The following CDKN2A variants were observed in gnomAD, a reference collection of about 807,000 sequenced individuals.
CDKN2A encodes the protein cyclin-dependent kinase inhibitor 2A.
In CDKN2A, 3 loss-of-function variants were observed where a neutral mutation model predicts 11.1. The ratio of observed to expected loss-of-function variants is 0.27; its 90% CI spans 0.12 to 0.70. The LOEUF is 0.70. Among genes scored for constraint, CDKN2A ranks in the 30% least tolerant of loss-of-function variants. The pLI is 0.77. For missense variants in CDKN2A, 265 were observed against 233.6 expected (o/e 1.13, Z -0.88); for synonymous variants, 122 against 108.1 (o/e 1.13, Z -0.80).
At chr9:21,987,387 C>G (rs1421183108) in intron 2 of CDKN2A, among the ~76,000 whole-genome samples, 1 of 74,038 alleles carries the variant, frequency 1.4e-5, no homozygotes, top group Non-Finnish European at 3.2e-5. Flanking sequence ...GAAAGAAACC[C>G]CTTATTACAA....
At chr9:21,990,629 A>AGAGAGAGAGAGAGAGAGAGAGG (rs1587354585) in intron 2 of CDKN2A, among the ~76,000 whole-genome samples, 1 of 150,682 alleles carries the variant, frequency 6.6e-6, no homozygotes, top group Non-Finnish European at 1.5e-5. Flanking sequence ...AGAGAGAGAG[A>AGAGAGAGAGAGAGAGAGAGAGG]GAGAGAGAGA....
At chr9:21,977,310 G>T (rs1820060498), upstream of CDKN2A, among the ~76,000 whole-genome samples, 1 of 152,124 alleles carries the variant, frequency 6.6e-6, no homozygotes, top group Non-Finnish European at 1.5e-5. Context: ...GGGAGGGAGG[G>T]AACACATTTC....
chr9:21,991,881 T>C lies in CDKN2A; in HGVS notation c.-4+2001A>G. ...ATAATGGTTTATACTAACTGCACAG[T>C]GCTTACCTTGAGAGGACTCTGTGCT... On this transcript the variant is annotated intron_variant, in intron 2 of 3. Transcript: ENST00000494262. The surrounding 1 kb of genome is among the most constrained non-coding windows in gnomAD (Gnocchi z 5.2). The C allele has an allele frequency of 1.0e-6, 1 of 985,342 alleles. No homozygotes were observed. The highest frequency in any genetic ancestry group is 1.2e-6 in the Non-Finnish European group (1 of 829,828). The allele number at this position is 985,342 out of a possible 1,614,324, so 61.0% of individuals were successfully genotyped here. A position where few individuals can be genotyped will look rare whatever the true frequency, so the allele number is the denominator to read the frequency against.
At chr9:21,985,734 G>A (rs1353319083) in intron 2 of CDKN2A, among the ~76,000 whole-genome samples, 1 of 151,856 alleles carries the variant, frequency 6.6e-6, no homozygotes, top group Non-Finnish European at 1.5e-5. Context: ...TAGCTTAGAG[G>A]TATACCCTAA....
chr9:21,971,652 T>C (rs1424688052), intron 1 of CDKN2A, among the ~76,000 whole-genome samples: 1 of 147,896 alleles, frequency 6.8e-6, no homozygotes, highest in East Asian at 2.0e-4. Context: ...AAAACTTGTT[T>C]GTTTGTTAAA....
chr9:21,972,098 A>C (rs908877589), intron 1 of CDKN2A, among the ~76,000 whole-genome samples: 37 of 151,740 alleles, frequency 2.4e-4, no homozygotes, highest in African/African-American at 9.0e-4. Flanking sequence ...AAGTGAGAAC[A>C]TGTGATATTT....
rs1282531650 is a variant in CDKN2A, at chr9:21,968,102, G to C, written c.*127C>G. 8.4e-6 allele frequency: 7 copies of C among 830,616 alleles called. No individual in the cohort carries two copies. The highest frequency in any genetic ancestry group is 1.7e-5 in the African/African-American group (1 of 59,722). The allele number at this position is 830,616 out of a possible 1,614,324, so 51.5% of individuals were successfully genotyped here. On this transcript the variant is annotated 3_prime_UTR_variant, in exon 3 of 3. Transcript: ENST00000304494. The surrounding 1 kb of genome is among the most constrained non-coding windows in gnomAD (Gnocchi z 4.7). ...GTTAAAAGGCAGGACATTTTTAAAA[G>C]CTCTATTTTCTAAATGAAAACTACG...
At chr9:21,971,268 C>A (rs2131097554) in intron 1 of CDKN2A, 60 bp from the exon 2 acceptor site, 1 of 1,559,982 alleles carries the variant, frequency 6.4e-7, no homozygotes, top group Non-Finnish European at 8.6e-7. Context: ...GGAAAGGAAG[C>A]TTGTGTAGAG....
At chr9:21,984,600 T>C (rs974025236) in intron 2 of CDKN2A, among the ~76,000 whole-genome samples, 24 of 152,036 alleles carry the variant, frequency 1.6e-4, no homozygotes, top group African/African-American at 5.3e-4. Flanking sequence ...ACGCATGTGC[T>C]GTTAGAGTTC....
At chr9:21,977,619 G>A (rs572283246), upstream of CDKN2A, among the ~76,000 whole-genome samples, 9 of 152,266 alleles carry the variant, frequency 5.9e-5, no homozygotes, top group Non-Finnish European at 1.2e-4. Flanking sequence ...ACCCACCTTA[G>A]CCTCCCAAAG....
At chr9:21,976,953 A>G (rs984241769), upstream of CDKN2A, among the ~76,000 whole-genome samples, 1 of 152,254 alleles carries the variant, frequency 6.6e-6, no homozygotes, top group Non-Finnish European at 1.5e-5. Context: ...CTGATGCCTT[A>G]AGCACATGCT....
intron 1 of CDKN2A, 196 bp from the exon 2 acceptor site, chr9:21,971,404 A>G: frequency 4.2e-6 from 6 of 1,445,014 alleles, no homozygotes; most frequent in Non-Finnish European, 5.4e-6. Flanking sequence ...GAATTCCATT[A>G]TATCCTCCGA....
chr9:21,975,237 G>T (rs951159179), upstream of CDKN2A: 20 of 929,756 alleles, frequency 2.2e-5, no homozygotes, highest in Non-Finnish European at 2.7e-6. Flanking sequence ...CCGCCTGCCA[G>T]CAAAGGCGTG....
At chr9:21,975,248 T>A, upstream of CDKN2A, 2 of 760,574 alleles carry the variant, frequency 2.6e-6, no homozygotes, top group Non-Finnish European at 3.3e-6. Flanking sequence ...CAAAGGCGTG[T>A]TTGAGTGCGT....
upstream of CDKN2A, chr9:21,975,174 C>G (rs1035856991): frequency 1.8e-4 from 205 of 1,149,774 alleles, 1 homozygote; most frequent in Non-Finnish European, 2.1e-4. Flanking sequence ...TGGGCTCCTC[C>G]CCACCTGCCC....
upstream of CDKN2A, among the ~76,000 whole-genome samples, chr9:21,979,833 C>T (rs1820131821): frequency 6.6e-6 from 1 of 152,054 alleles, no homozygotes; most frequent in African/African-American, 2.4e-5. Context: ...AGTAGGGACA[C>T]CTGATTACTT....
chr9:21,968,728 C>A lies in CDKN2A; in HGVS notation c.458-486G>T. 8 of 1,536,184 alleles carry A rather than the reference C, an allele frequency of 5.2e-6. No individual in the cohort carries two copies. Among genetic ancestry groups the A allele is most frequent in the South Asian group, 1.2e-5 (1 of 84,068 alleles). On this transcript the variant is annotated intron_variant, in intron 2 of 2. Transcript: ENST00000304494. The surrounding 1 kb of genome is among the most constrained non-coding windows in gnomAD (Gnocchi z 4.7). ...TCGGCGGAATCCCGTAGCTTCCCTA[C>A]GCATGCCTGCTTCTACAAACCCACA...
At chr9:21,974,879 C>G (rs1452536303), upstream of CDKN2A, 2 of 1,471,216 alleles carry the variant, frequency 1.4e-6, no homozygotes, top group Admixed American at 2.6e-5. The surrounding 1 kb of genome is among the most constrained non-coding windows in gnomAD (Gnocchi z 5.2). Context: ...AGCCGCCGAG[C>G]GCACGCGGTC....
chr9:21,974,414 T>C lies in CDKN2A; in HGVS notation c.150+264A>G, dbSNP rs2131108671. ...TGATAAAGAGCATACTTCCATCTAA[T>C]ACAAATATGTTCCCCCCTTCAGATC... On this transcript the variant is annotated intron_variant, in intron 1 of 2. Transcript: ENST00000304494. This position sits in a 1 kb window ranked among gnomAD's most constrained non-coding sequence, Gnocchi z 5.2. The C allele has an allele frequency of 6.2e-7, 1 of 1,602,496 alleles. No homozygotes were observed. Among genetic ancestry groups the C allele is most frequent in the South Asian group, 1.1e-5 (1 of 90,080 alleles).
Sources: gnomAD v4.1 joint callset for allele counts (sites outside exome capture counted in the v4.1 genomes callset) on GRCh38, gnomAD v4.1.1 for gene constraint, Gnocchi (gnomAD v3.1) non-coding constraint, MANE v1.5 for transcripts, NCBI Gene and HGNC (gene_info 2026-07-23, HGNC 2026-07-21) for gene names.